The following CACNA1G variants were observed in gnomAD, a reference collection of about 807,000 sequenced individuals.
CACNA1G encodes voltage-dependent T-type calcium channel subunit alpha-1G.
CACNA1G carries 67 observed loss-of-function variants against 219.4 expected under a neutral mutation model. That is an observed-to-expected ratio of 0.31 (90% CI 0.25 to 0.37). The LOEUF (loss-of-function observed/expected upper bound fraction) is 0.37. Among genes scored for constraint, CACNA1G ranks in the 10% least tolerant of loss-of-function variants. The pLI, the probability that CACNA1G is intolerant of heterozygous loss-of-function variation, is 1.00. For synonymous variants in CACNA1G, 1,296 were observed against 1,345.3 expected (o/e 0.96, Z 0.80); for missense variants, 2,380 against 3,231.4 (o/e 0.74, Z 6.39).
In CACNA1G at chr17:50,618,536, C is replaced by T. The variant is rs934127415; in HGVS notation, c.5428-119C>T. The T allele has an allele frequency of 3.0e-6, 3 of 1,012,496 alleles. No homozygotes were observed. In the Admixed American group the frequency reaches 6.3e-5, roughly 21 times the overall value. The allele number at this position is 1,012,496 out of a possible 1,614,324, so 62.7% of individuals were successfully genotyped here. ...TAGTGCTCCTCTGCCCCCAAACACT[C>T]CCTCCTCCTCCCCTTCCTTCCCATC... is the stretch of plus-strand genomic sequence containing the variant. On this transcript the variant is annotated intron_variant, in intron 32 of 37. Coordinates refer to ENST00000359106, the MANE Select transcript of CACNA1G (RefSeq NM_018896.5). This position sits in a 1 kb window ranked among gnomAD's most constrained non-coding sequence, Gnocchi z 5.3.
intron 7 of CACNA1G, 44 bp downstream of exon 7, chr17:50,573,157 G>T (rs1460380105): frequency 1.4e-6 from 2 of 1,418,328 alleles, no homozygotes; most frequent in East Asian, 2.5e-5. Flanking sequence ...CGATCCTGGG[G>T]ACACCTGTGG....
In CACNA1G at chr17:50,561,010, C is replaced by T; in HGVS notation, c.-450C>T. 1 of 306,624 alleles carries T rather than the reference C, an allele frequency of 3.3e-6. No individual in the cohort carries two copies. The highest frequency in any genetic ancestry group is 6.4e-6 in the Non-Finnish European group (1 of 157,426). The allele number at this position is 306,624 out of a possible 1,614,324, so 19.0% of individuals were successfully genotyped here. A position where few individuals can be genotyped will look rare whatever the true frequency, so the allele number is the denominator to read the frequency against. On this transcript the variant is annotated 5_prime_UTR_variant, in exon 1 of 38. Coordinates refer to ENST00000359106, the MANE Select transcript of CACNA1G (RefSeq NM_018896.5). ...TGGCGCGGAGCCGGGACGATGCTGA[C>T]CCCTTAGATCCGGCTCCAGCTGCGC...
chr17:50,598,260 C>T (rs1160564077), intron 16 of CACNA1G, among the ~76,000 whole-genome samples: 1 of 152,224 alleles, frequency 6.6e-6, no homozygotes, highest in Non-Finnish European at 1.5e-5. Context: ...AATACCTGGC[C>T]TCAAGTGATC....
intron 25 of CACNA1G, among the ~76,000 whole-genome samples, chr17:50,609,179 G>A (rs558120114): frequency 1.0e-3 from 156 of 152,180 alleles, no homozygotes; most frequent in African/African-American, 3.3e-3. Context: ...TATCTCCCTC[G>A]GCCTGGGAGT....
chr17:50,627,429 A>G lies in CACNA1G; in HGVS notation c.*678A>G, dbSNP rs1567816529. 3.0e-6 allele frequency: 1 copy of G among 328,278 alleles called. No homozygotes were observed. The highest frequency in any genetic ancestry group is 2.7e-5 in the South Asian group (1 of 37,670). 20.3% of individuals were successfully genotyped at this position (328,278 alleles called of 1,614,324 possible). A position where few individuals can be genotyped will look rare whatever the true frequency, so the allele number is the denominator to read the frequency against. ...TATATACATACATACATATCTATCT[A>G]TCTATCTATATATATATAAAATAAA... On this transcript the variant is annotated 3_prime_UTR_variant, in exon 38 of 38. Transcript: ENST00000359106.
Position 50,618,507 on chromosome 17 carries a change from C to A in CACNA1G, c.5428-148C>A. ...TCCCAGGAACATGCTCTGACTCACACTTGTAGTGCTCCTCTGCCCCCAAAC... is the reference window on the plus strand; with the variant it reads ...TCCCAGGAACATGCTCTGACTCACAATTGTAGTGCTCCTCTGCCCCCAAAC... On this transcript the variant is annotated intron_variant, in intron 32 of 37. Transcript: ENST00000359106. This position sits in a 1 kb window ranked among gnomAD's most constrained non-coding sequence, Gnocchi z 5.3. 1.9e-6 allele frequency: 2 copies of A among 1,070,222 alleles called. No homozygotes were observed. Among genetic ancestry groups the A allele is most frequent in the Non-Finnish European group, 2.8e-6 (2 of 722,838 alleles). 66.3% of individuals were successfully genotyped at this position (1,070,222 alleles called of 1,614,324 possible).
At chr17:50,589,910 CTCTGTGTGTGTG>C (rs2043880945) in intron 9 of CACNA1G, among the ~76,000 whole-genome samples, 1 of 146,380 alleles carries the variant, frequency 6.8e-6, no homozygotes, top group African/African-American at 2.7e-5. Flanking sequence ...CTCTCTCTCT[CTCTGTGTGTGTG>C]TGTGTGTGTG....
chr17:50,589,194 C>T (rs1365639182), intron 9 of CACNA1G, among the ~76,000 whole-genome samples: 1 of 152,166 alleles, frequency 6.6e-6, no homozygotes, highest in Non-Finnish European at 1.5e-5. Context: ...TGCCTGGCCA[C>T]ACCCCTCCCT....
At chr17:50,593,626 C>T (rs193071668) in intron 13 of CACNA1G, among the ~76,000 whole-genome samples, 204 of 152,372 alleles carry the variant, frequency 1.3e-3, no homozygotes, top group Non-Finnish European at 2.5e-3. Context: ...CTGCTGGGGG[C>T]CTGGGACTGC....
At chr17:50,611,044 A>G (rs1210392271) in intron 26 of CACNA1G, among the ~76,000 whole-genome samples, 1 of 152,000 alleles carries the variant, frequency 6.6e-6, no homozygotes, top group East Asian at 1.9e-4. Flanking sequence ...TCATGAGGTC[A>G]GGGGTTTGAG....
intron 26 of CACNA1G, among the ~76,000 whole-genome samples, chr17:50,611,566 G>C (rs2049216350): frequency 6.6e-6 from 1 of 152,182 alleles, no homozygotes; most frequent in Non-Finnish European, 1.5e-5. Flanking sequence ...GGAGTCTCTG[G>C]CTGGTTTGTG....
chr17:50,605,304 TG>T (rs1183739742), intron 22 of CACNA1G, among the ~76,000 whole-genome samples: 2 of 152,212 alleles, frequency 1.3e-5, no homozygotes, highest in African/African-American at 4.8e-5. Flanking sequence ...CAGACAGACC[TG>T]GGTTCGAGCT....
chr17:50,567,674 T>A (rs1168284715), intron 1 of CACNA1G, among the ~76,000 whole-genome samples: 1 of 152,178 alleles, frequency 6.6e-6, no homozygotes, highest in Non-Finnish European at 1.5e-5. Context: ...CCCAATCTCC[T>A]GCTCTCTGAT....
rs755901912 is a variant in CACNA1G, at chr17:50,596,522, C to T, written c.2980-40C>T. On this transcript the variant is annotated intron_variant, in intron 14 of 37. Coordinates refer to ENST00000359106, the MANE Select transcript of CACNA1G (RefSeq NM_018896.5). The surrounding 1 kb of genome is among the most constrained non-coding windows in gnomAD (Gnocchi z 4.8). ...CCCGGTCCATCCCAACCACCCAAGC[C>T]TGGCCGGATCCCTAATGGTCCGCTG... The T allele has an allele frequency of 1.3e-6, 2 of 1,574,660 alleles. No individual in the cohort carries two copies. Among genetic ancestry groups the T allele is most frequent in the Admixed American group, 3.3e-5 (2 of 59,856 alleles).
In CACNA1G at chr17:50,576,092, G is replaced by A. The variant is rs1387895412; in HGVS notation, c.1690G>A (p.Glu564Lys). 1.9e-6 allele frequency: 3 copies of A among 1,591,828 alleles called. No individual in the cohort carries two copies. The highest frequency in any genetic ancestry group is 2.6e-6 in the Non-Finnish European group (3 of 1,170,264). Residue 564 changes from glutamate to lysine, a missense_variant, in exon 8 of 38, where the codon GAG becomes AAG. By Grantham distance (56) the Glu-to-Lys change is moderately conservative. Coordinates refer to ENST00000359106, the MANE Select transcript of CACNA1G (RefSeq NM_018896.5). ...HSFYHADCHLEPVRCQAPPPR... is the reference protein window; with the variant it reads ...HSFYHADCHLKPVRCQAPPPR... The stretch of plus-strand genomic sequence containing the variant: ...CTTCTACCATGCCGACTGCCACTTA[G>A]AGCCAGTCCGCTGCCAGGCGCCCCC...
chr17:50,614,221 C>T (rs575700860), intron 26 of CACNA1G, among the ~76,000 whole-genome samples: 1 of 152,352 alleles, frequency 6.6e-6, no homozygotes, highest in Non-Finnish European at 1.5e-5. Context: ...ACAGTTACAT[C>T]TGAGCTGGCC....
In CACNA1G at chr17:50,607,920, G is replaced by A; in HGVS notation, c.4606G>A (p.Val1536Met). ...FFVLNMFVGV[V>M]VENFHKCRQH... ...TGTCCTGAACATGTTTGTGGGTGTG[G>A]TGGTGGAGAACTTCCACAAGTGTCG... Residue 1536 changes from valine (V) to methionine (M), a missense_variant, in exon 25 of 38, where the codon GTG (valine) becomes ATG (methionine). Transcript: ENST00000359106. 6.2e-7 allele frequency: 1 copy of A among 1,614,046 alleles called. No individual in the cohort carries two copies. The highest frequency in any genetic ancestry group is 8.5e-7 in the Non-Finnish European group (1 of 1,179,900).
In CACNA1G at chr17:50,617,284, G is replaced by A. The variant is rs562964967; in HGVS notation, c.5022-154G>A. On this transcript the variant is annotated intron_variant, in intron 28 of 37. Coordinates refer to ENST00000359106, the MANE Select transcript of CACNA1G (RefSeq NM_018896.5). This position sits in a 1 kb window ranked among gnomAD's most constrained non-coding sequence, Gnocchi z 5.8. ...ACTCGTGCCACCAGTTGGCTGTGTG[G>A]CCTTAGATAAGCCACGCCTCTTCTC... Among the ~76,000 whole-genome samples, 4 of 152,316 alleles carry A rather than the reference G, an allele frequency of 2.6e-5. No individual in the cohort carries two copies. Among genetic ancestry groups the A allele is most frequent in the African/African-American group, 9.6e-5 (4 of 41,576 alleles).
rs772277327 is a variant in CACNA1G, at chr17:50,599,786, G to C, written c.3617G>C (p.Gly1206Ala). 8 of 1,613,190 alleles carry C rather than the reference G, an allele frequency of 5.0e-6. No homozygotes were observed. The highest frequency in any genetic ancestry group is 6.8e-6 in the Non-Finnish European group (8 of 1,179,854). ...GACTGCAATGGCAAGTCGGCTTCAG[G>C]GCGCCTGGCCCGGGCCCTGCGGCCT... Reference protein sequence around the residue: ...HQDCNGKSASGRLARALRPDD... With the variant: ...HQDCNGKSASARLARALRPDD... Residue 1206 changes from glycine (G) to alanine (A), a missense_variant, in exon 17 of 38, where the codon GGG becomes GCG. Transcript: ENST00000359106.
Sources: gnomAD v4.1 joint callset for allele counts (sites outside exome capture counted in the v4.1 genomes callset) on GRCh38, gnomAD v4.1.1 for gene constraint, Gnocchi (gnomAD v3.1) non-coding constraint, MANE v1.5 for transcripts, NCBI Gene and HGNC (gene_info 2026-07-23, HGNC 2026-07-21) for gene names.